NRXN1: variants seen among roughly 807,000 people sequenced by gnomAD.
The protein encoded by NRXN1 is neurexin-1.
In NRXN1, 39 loss-of-function variants were observed where a neutral mutation model predicts 150.9. The ratio of observed to expected loss-of-function variants is 0.26; its 90% CI spans 0.20 to 0.34. The LOEUF (loss-of-function observed/expected upper bound fraction) is 0.34, where lower values mean the gene tolerates loss of function less well. NRXN1 is among the 10% of genes least tolerant of loss of function. The pLI, the probability that NRXN1 is intolerant of heterozygous loss-of-function variation, is 1.00. For missense variants in NRXN1, 1,815 were observed against 1,949.9 expected (o/e 0.93, Z 1.30); for synonymous variants, 924 against 757.0 (o/e 1.22, Z -3.62).
chr2:50,449,107 A>C (rs1573013373), intron 17 of NRXN1, among the ~76,000 whole-genome samples: 1 of 152,332 alleles, frequency 6.6e-6, no homozygotes, highest in East Asian at 1.9e-4. Context: ...TTTATGGTCA[A>C]ATTCACAATA....
chr2:50,362,666 G>A (rs1331973502), intron 17 of NRXN1, among the ~76,000 whole-genome samples: 1 of 152,124 alleles, frequency 6.6e-6, no homozygotes, highest in African/African-American at 2.4e-5. Flanking sequence ...TGGCCATACT[G>A]CCCAAAGTAA....
At chr2:50,459,157 T>C (rs921805333) in intron 17 of NRXN1, among the ~76,000 whole-genome samples, 1 of 152,128 alleles carries the variant, frequency 6.6e-6, no homozygotes, top group African/African-American at 2.4e-5. Flanking sequence ...AATTATATTA[T>C]TTTAAAATAA....
At chr2:51,014,856 C>G (rs1044364515) in intron 2 of NRXN1, among the ~76,000 whole-genome samples, 15 of 152,052 alleles carry the variant, frequency 9.9e-5, no homozygotes, top group African/African-American at 3.6e-4. Context: ...GCCTGACACA[C>G]TGTGAGAGCC....
At chr2:50,929,889 A>C (rs889605220) in intron 2 of NRXN1, among the ~76,000 whole-genome samples, 1 of 152,096 alleles carries the variant, frequency 6.6e-6, no homozygotes, top group African/African-American at 2.4e-5. Context: ...GAATGCTTCA[A>C]GCACTGGGAA....
chr2:50,645,551 T>G (rs1248348078), intron 5 of NRXN1, among the ~76,000 whole-genome samples: 1 of 151,950 alleles, frequency 6.6e-6, no homozygotes, highest in Non-Finnish European at 1.5e-5. Flanking sequence ...GTTATGGTAG[T>G]CGTCATGGTG....
intron 5 of NRXN1, among the ~76,000 whole-genome samples, chr2:50,650,176 G>A (rs1685401283): frequency 6.6e-6 from 1 of 152,004 alleles, no homozygotes; most frequent in Non-Finnish European, 1.5e-5. Context: ...CCTCTGGTGA[G>A]GTAGTTAGGA....
chr2:50,822,321 AGT>A (rs1669852513), intron 5 of NRXN1, among the ~76,000 whole-genome samples: 2 of 152,186 alleles, frequency 1.3e-5, no homozygotes, highest in Non-Finnish European at 2.9e-5. Flanking sequence ...CAAAGTAAGA[AGT>A]CATGCTTTTA....
At chr2:50,539,850 A>G (rs10490223) in intron 9 of NRXN1, among the ~76,000 whole-genome samples, 3,258 of 152,290 alleles carry the variant, frequency 0.021, 49 homozygotes, top group East Asian at 0.068. Context: ...GTGATACAGA[A>G]GTAAGGACAA....
chr2:50,353,330 A>T (rs928657567), intron 17 of NRXN1, among the ~76,000 whole-genome samples: 2 of 152,138 alleles, frequency 1.3e-5, no homozygotes, highest in South Asian at 2.1e-4. Context: ...ATAATATGCC[A>T]TCTTTTAATC....
rs904981058 is a variant in NRXN1, at chr2:50,952,107, T to C, written c.773-26152A>G. Among the ~76,000 whole-genome samples, 290 of 150,362 alleles carry C rather than the reference T, an allele frequency of 1.9e-3. 4 individuals carry two copies. The highest frequency in any genetic ancestry group is 6.8e-3 in the African/African-American group (280 of 41,244). ...TCAGCCTCCCAAGTAGCTGGGACTA[T>C]AGGCGCCTGCCACTACGCCCAGCTA... On this transcript the variant is annotated intron_variant, in intron 2 of 22. Transcript: ENST00000401669.
At chr2:50,409,048 T>C (rs1479824572) in intron 17 of NRXN1, among the ~76,000 whole-genome samples, 2 of 152,086 alleles carry the variant, frequency 1.3e-5, no homozygotes, top group African/African-American at 4.8e-5. Context: ...GGGAGGGTTG[T>C]TTACAGATGA....
At chr2:49,928,095 A>C (rs907152922) in intron 22 of NRXN1, among the ~76,000 whole-genome samples, 6 of 151,960 alleles carry the variant, frequency 3.9e-5, no homozygotes, top group African/African-American at 1.5e-4. Flanking sequence ...TACCAATCTT[A>C]GGAAATAATA....
At chr2:50,722,949 A>C (rs370653285) in intron 5 of NRXN1, among the ~76,000 whole-genome samples, 247 of 152,176 alleles carry the variant, frequency 1.6e-3, no homozygotes, top group African/African-American at 5.7e-3. Flanking sequence ...TGTAATTTTA[A>C]AGGCCTCTCA....
chr2:49,986,232 C>G (rs1680885865), intron 21 of NRXN1, among the ~76,000 whole-genome samples: 1 of 152,076 alleles, frequency 6.6e-6, no homozygotes, highest in East Asian at 1.9e-4. Context: ...GGTCTTAGAT[C>G]TTATTGTCAC....
At chr2:50,528,754 G>A in intron 11 of NRXN1, 103 bp from the exon 12 acceptor site, 1 of 665,584 alleles carries the variant, frequency 1.5e-6, no homozygotes, top group Non-Finnish European at 2.7e-6. Flanking sequence ...ACAGACACAT[G>A]CAAATATGGC....
chr2:50,042,795 T>A (rs1457904402), intron 21 of NRXN1, among the ~76,000 whole-genome samples: 1 of 152,122 alleles, frequency 6.6e-6, no homozygotes, highest in African/African-American at 2.4e-5. Flanking sequence ...TTTAAATGAA[T>A]CTCTATTCAT....
chr2:50,244,092 C>G (rs190249985), intron 17 of NRXN1, among the ~76,000 whole-genome samples: 2 of 151,874 alleles, frequency 1.3e-5, no homozygotes, highest in African/African-American at 4.8e-5. Flanking sequence ...TTTCTATATT[C>G]TCTAATAAAA....
At chr2:50,911,348 G>T (rs1684490278) in intron 5 of NRXN1, among the ~76,000 whole-genome samples, 1 of 150,618 alleles carries the variant, frequency 6.6e-6, no homozygotes, top group Non-Finnish European at 1.5e-5. Flanking sequence ...GCTTTTTCTT[G>T]TATTCACACT....
intron 18 of NRXN1, among the ~76,000 whole-genome samples, chr2:50,178,574 A>G (rs1296125246): frequency 1.3e-5 from 2 of 152,026 alleles, no homozygotes; most frequent in Non-Finnish European, 2.9e-5. Context: ...GTTCAAAGGG[A>G]ATGCATTAGA....
Sources: gnomAD v4.1 joint callset for allele counts (sites outside exome capture counted in the v4.1 genomes callset) on GRCh38, gnomAD v4.1.1 for gene constraint, MANE v1.5 for transcripts, NCBI Gene and HGNC (gene_info 2026-07-23, HGNC 2026-07-21) for gene names.